Variants in ERG observed in about 807,000 individuals in gnomAD.
ERG encodes the protein transcriptional regulator ERG.
ERG carries 9 observed loss-of-function variants against 55.3 expected under a neutral mutation model. That is an observed-to-expected ratio of 0.16 (90% CI 0.10 to 0.28). The LOEUF (loss-of-function observed/expected upper bound fraction) is 0.28. Among genes scored for constraint, ERG ranks in the 10% least tolerant of loss-of-function variants. ERG has a pLI of 1.00. For synonymous variants in ERG, 223 were observed against 237.3 expected (o/e 0.94, Z 0.55); for missense variants, 434 against 631.6 (o/e 0.69, Z 3.35).
intron 9 of ERG, among the ~76,000 whole-genome samples, chr21:38,384,341 C>G (rs1722256569): frequency 6.6e-6 from 1 of 152,216 alleles, no homozygotes; most frequent in Non-Finnish European, 1.5e-5. Context: ...GCAGCACTTC[C>G]CATTCTCTCT....
intron 2 of ERG, among the ~76,000 whole-genome samples, chr21:38,442,582 G>A (rs558338694): frequency 1.6e-4 from 24 of 152,232 alleles, no homozygotes; most frequent in African/African-American, 5.8e-4. Flanking sequence ...ATGGACTGAA[G>A]CTCCTGGTGT....
intron 1 of ERG, among the ~76,000 whole-genome samples, chr21:38,656,377 C>A (rs2060519110): frequency 6.6e-6 from 1 of 152,160 alleles, no homozygotes; most frequent in Non-Finnish European, 1.5e-5. Flanking sequence ...AGGTAAGTAA[C>A]AGATTTACTA....
intron 1 of ERG, among the ~76,000 whole-genome samples, chr21:38,468,206 T>A (rs1017995799): frequency 2.6e-5 from 4 of 152,134 alleles, no homozygotes; most frequent in African/African-American, 9.7e-5. Flanking sequence ...ACCCGGCAGG[T>A]CAGCTCATCA....
chr21:38,453,043 A>C (rs1207284566), intron 1 of ERG, among the ~76,000 whole-genome samples: 1 of 152,200 alleles, frequency 6.6e-6, no homozygotes, highest in African/African-American at 2.4e-5. Context: ...TATTACATCC[A>C]AATGAAGAGA....
intron 1 of ERG, among the ~76,000 whole-genome samples, chr21:38,487,634 T>A (rs1195865234): frequency 6.6e-6 from 1 of 152,158 alleles, no homozygotes; most frequent in Non-Finnish European, 1.5e-5. Flanking sequence ...ATCAGGGAAG[T>A]CATTTTGCAA....
intron 1 of ERG, among the ~76,000 whole-genome samples, chr21:38,447,576 C>T (rs1300046622): frequency 6.6e-6 from 1 of 150,640 alleles, no homozygotes; most frequent in Non-Finnish European, 1.5e-5. Context: ...CTCTTCCAGT[C>T]ACAATTGAGT....
At chr21:38,525,926 A>G (rs1230010913) in intron 2 of ERG, among the ~76,000 whole-genome samples, 1 of 152,214 alleles carries the variant, frequency 6.6e-6, no homozygotes, top group Non-Finnish European at 1.5e-5. Flanking sequence ...AGGCAATACG[A>G]TTAACAGTGG....
intron 2 of ERG, among the ~76,000 whole-genome samples, chr21:38,433,880 T>C (rs1444071723): frequency 6.6e-6 from 1 of 152,152 alleles, no homozygotes; most frequent in East Asian, 1.9e-4. Context: ...CTGTCGAAAA[T>C]CTACCTATTC....
chr21:38,427,345 G>A (rs916122511), intron 2 of ERG, among the ~76,000 whole-genome samples: 1 of 152,218 alleles, frequency 6.6e-6, no homozygotes, highest in Non-Finnish European at 1.5e-5. Flanking sequence ...AAGGTGCTGG[G>A]ATTACAGGCG....
chr21:38,610,380 C>T (rs1176567412), intron 1 of ERG, among the ~76,000 whole-genome samples: 2 of 152,236 alleles, frequency 1.3e-5, no homozygotes, highest in Non-Finnish European at 1.5e-5. Flanking sequence ...TCTATGCAAA[C>T]GGCAACATTC....
chr21:38,509,348 G>T (rs942072835), intron 2 of ERG, among the ~76,000 whole-genome samples: 2 of 152,102 alleles, frequency 1.3e-5, no homozygotes, highest in South Asian at 4.2e-4. Flanking sequence ...AAGCATTGTC[G>T]GTCACTGGAG....
At chr21:38,573,791 T>C (rs1416296622) in intron 2 of ERG, among the ~76,000 whole-genome samples, 3 of 152,216 alleles carry the variant, frequency 2.0e-5, no homozygotes, top group South Asian at 2.1e-4. Context: ...TGTTTCTCTA[T>C]ACTTTGTCTC....
chr21:38,553,872 C>T (rs2059840668), intron 2 of ERG, among the ~76,000 whole-genome samples: 1 of 121,428 alleles, frequency 8.2e-6, no homozygotes, highest in African/African-American at 2.6e-5. Flanking sequence ...GCAAAAGAAA[C>T]TATCAATAGA....
At chr21:38,481,448 T>C (rs1319646460) in intron 1 of ERG, among the ~76,000 whole-genome samples, 1 of 152,214 alleles carries the variant, frequency 6.6e-6, no homozygotes, top group African/African-American at 2.4e-5. Context: ...TTATGAAAGA[T>C]TACATTTTCA....
At position 38,553,082 on chromosome 21, in the gene ERG, C is replaced by T. The variant is rs78259385; in HGVS notation, c.-41+22580G>A. ...GAGAGCCATATCAAGAATGCAATTC[C>T]ATTCAAAATAGCAACAAAAAAAATA... On this transcript the variant is annotated intron_variant, in intron 2 of 8. Transcript: ENST00000398897. Among the ~76,000 whole-genome samples, 10 of 152,060 alleles carry T rather than the reference C, an allele frequency of 6.6e-5. No individual in the cohort carries two copies. In the East Asian group the frequency reaches 1.9e-3, roughly 29 times the overall value.
At chr21:38,658,378 A>G (rs2146996604) in intron 1 of ERG, among the ~76,000 whole-genome samples, 1 of 152,306 alleles carries the variant, frequency 6.6e-6, no homozygotes, top group Non-Finnish European at 1.5e-5. Flanking sequence ...CTATGAAATA[A>G]CAGGCATCAG....
At chr21:38,642,795 G>T (rs932304639) in intron 1 of ERG, among the ~76,000 whole-genome samples, 4 of 152,234 alleles carry the variant, frequency 2.6e-5, no homozygotes, top group African/African-American at 9.6e-5. Flanking sequence ...CACTGAAGGA[G>T]GAGAGGGGTA....
intron 2 of ERG, among the ~76,000 whole-genome samples, chr21:38,429,432 T>C (rs1291002002): frequency 8.1e-6 from 1 of 124,036 alleles, no homozygotes; most frequent in Non-Finnish European, 1.9e-5. Context: ...CATGTGTGTA[T>C]ACATGTATAC....
At position 38,424,390 on chromosome 21, in the gene ERG, G is replaced by T. The variant is rs373007273; in HGVS notation, c.237-829C>A. Among the ~76,000 whole-genome samples, 49 of 152,258 alleles carry T rather than the reference G, an allele frequency of 3.2e-4. No homozygotes were observed. In the East Asian group the frequency reaches 6.2e-3, roughly 19 times the overall value. On this transcript the variant is annotated intron_variant, in intron 2 of 9. Coordinates refer to ENST00000288319, the MANE Select transcript of ERG (RefSeq NM_182918.4). ...AGCCAGCCAGTCTGTGGGGCTCTGT[G>T]AAGGCAGCCTGCACAGGCTAGGACA...
Sources: allele counts gnomAD v4.1 joint callset (sites outside exome capture counted in the v4.1 genomes callset), GRCh38; gene constraint gnomAD v4.1.1; transcripts MANE v1.5; gene names NCBI Gene and HGNC (gene_info 2026-07-23, HGNC 2026-07-21).